TMEM132C: variants seen among roughly 807,000 people sequenced by gnomAD.
TMEM132C encodes the protein protein phosphatase 1, regulatory subunit 152.
TMEM132C carries 29 observed loss-of-function variants against 61.4 expected under a neutral mutation model. That is an observed-to-expected ratio of 0.47 (90% CI 0.35 to 0.64). The LOEUF (loss-of-function observed/expected upper bound fraction) is 0.64, where lower values mean the gene tolerates loss of function less well. TMEM132C is among the 30% of genes least tolerant of loss of function. The pLI, the probability that TMEM132C is intolerant of heterozygous loss-of-function variation, is 0.00. For synonymous variants in TMEM132C, 656 were observed against 633.1 expected (o/e 1.04, Z -0.54); for missense variants, 1,408 against 1,476.9 (o/e 0.95, Z 0.76).
intron 3 of TMEM132C, among the ~76,000 whole-genome samples, chr12:128,579,529 C>G (rs1875253048): frequency 1.3e-5 from 2 of 152,240 alleles, no homozygotes; most frequent in South Asian, 2.1e-4. Flanking sequence ...AATTTATATT[C>G]TCTTTGTTGG....
intron 3 of TMEM132C, among the ~76,000 whole-genome samples, chr12:128,607,497 C>T (rs1593118262): frequency 6.6e-6 from 1 of 152,114 alleles, no homozygotes; most frequent in African/African-American, 2.4e-5. Flanking sequence ...ATGGGCATAT[C>T]CCAGTTAGGA....
intron 2 of TMEM132C, among the ~76,000 whole-genome samples, chr12:128,493,419 G>A (rs1219399285): frequency 6.6e-6 from 1 of 152,148 alleles, no homozygotes; most frequent in African/African-American, 2.4e-5. Context: ...GGATGGCATT[G>A]AATCTATAAA....
intron 5 of TMEM132C, among the ~76,000 whole-genome samples, chr12:128,683,036 A>C (rs553385818): frequency 1.1e-4 from 16 of 152,260 alleles, no homozygotes; most frequent in African/African-American, 3.4e-4. Flanking sequence ...TGCCTTATTA[A>C]GGAGAAAGAA....
intron 1 of TMEM132C, among the ~76,000 whole-genome samples, chr12:128,403,232 G>A (rs1875230445): frequency 3.3e-5 from 5 of 152,088 alleles, no homozygotes; most frequent in African/African-American, 1.2e-4. Context: ...AATGGAGAGA[G>A]GAAAAAATAT....
chr12:128,426,057 G>C (rs1319176136), intron 2 of TMEM132C, among the ~76,000 whole-genome samples: 1 of 152,164 alleles, frequency 6.6e-6, no homozygotes, highest in Non-Finnish European at 1.5e-5. Flanking sequence ...TCTTTCCCTG[G>C]TTCTTTTCAA....
chr12:128,343,970 G>A (rs1271623470), intron 1 of TMEM132C, among the ~76,000 whole-genome samples: 1 of 152,162 alleles, frequency 6.6e-6, no homozygotes, highest in Non-Finnish European at 1.5e-5. Context: ...GTCATTGCAT[G>A]TATGAATAAT....
chr12:128,598,675 T>C (rs1565986589), intron 3 of TMEM132C, among the ~76,000 whole-genome samples: 1 of 151,936 alleles, frequency 6.6e-6, no homozygotes, highest in Non-Finnish European at 1.5e-5. Context: ...TTCTCTCACT[T>C]ATTGTTCAGC....
intron 2 of TMEM132C, among the ~76,000 whole-genome samples, chr12:128,529,591 C>G (rs1593087611): frequency 6.6e-6 from 1 of 152,232 alleles, no homozygotes; most frequent in East Asian, 1.9e-4. Flanking sequence ...TGAGACCAGC[C>G]TGATCAAAAT....
chr12:128,347,397 GTCTC>G (rs55729184), intron 1 of TMEM132C, among the ~76,000 whole-genome samples: 27,088 of 135,212 alleles, frequency 0.2, 2,808 homozygotes, highest in South Asian at 0.31. Flanking sequence ...GCATATGTAT[GTCTC>G]TCTCTCTCTC....
intron 4 of TMEM132C, among the ~76,000 whole-genome samples, chr12:128,634,738 CTATAGGG>C (rs1954088873): frequency 6.6e-6 from 1 of 152,212 alleles, no homozygotes; most frequent in South Asian, 2.1e-4. Context: ...CAGACGCCAT[CTATAGGG>C]TGTTCATTCC....
intron 1 of TMEM132C, among the ~76,000 whole-genome samples, chr12:128,366,950 C>A: frequency 6.6e-6 from 1 of 152,168 alleles, no homozygotes; most frequent in East Asian, 1.9e-4. Flanking sequence ...AAGTAAGTCA[C>A]ATGGGTGACA....
intron 3 of TMEM132C, among the ~76,000 whole-genome samples, chr12:128,588,142 G>A (rs1020689651): frequency 2.0e-5 from 3 of 152,172 alleles, no homozygotes; most frequent in Admixed American, 2.0e-4. Context: ...TGACTTTCAT[G>A]TCTCTTTCTG....
At chr12:128,530,312 C>T (rs1873242360) in intron 2 of TMEM132C, among the ~76,000 whole-genome samples, 2 of 152,108 alleles carry the variant, frequency 1.3e-5, no homozygotes, top group African/African-American at 4.8e-5. Flanking sequence ...CATCTTGCTC[C>T]CTAGAGGAAA....
intron 4 of TMEM132C, among the ~76,000 whole-genome samples, chr12:128,637,842 A>G (rs1954115453): frequency 6.6e-6 from 1 of 152,228 alleles, no homozygotes; most frequent in Non-Finnish European, 1.5e-5. Flanking sequence ...GCTGAGTTCA[A>G]CTGCGAATAT....
chr12:128,662,887 G>A (rs1954406571), intron 4 of TMEM132C, among the ~76,000 whole-genome samples: 1 of 152,092 alleles, frequency 6.6e-6, no homozygotes, highest in African/African-American at 2.4e-5. Context: ...CCCCAAAGTT[G>A]CTTTACTAGG....
intron 2 of TMEM132C, among the ~76,000 whole-genome samples, chr12:128,459,710 C>A (rs529509396): frequency 4.6e-5 from 7 of 151,824 alleles, no homozygotes; most frequent in Admixed American, 3.9e-4. Flanking sequence ...GATGGTGAAA[C>A]CCTGTCTCTA....
intron 2 of TMEM132C, among the ~76,000 whole-genome samples, chr12:128,512,053 C>T (rs746263767): frequency 1.4e-4 from 21 of 152,150 alleles, no homozygotes; most frequent in Admixed American, 3.3e-4. Context: ...CCGCCCCTGT[C>T]GGCCACAGGC....
intron 4 of TMEM132C, among the ~76,000 whole-genome samples, chr12:128,616,720 C>T (rs564315882): frequency 3.9e-5 from 6 of 152,202 alleles, no homozygotes; most frequent in Non-Finnish European, 8.8e-5. Context: ...TGCCCTTCAT[C>T]TCCTCTTTCC....
intron 1 of TMEM132C, among the ~76,000 whole-genome samples, chr12:128,396,303 A>G (rs536615704): frequency 6.6e-6 from 1 of 152,232 alleles, no homozygotes; most frequent in Admixed American, 6.5e-5. Context: ...TAGTAAAAAA[A>G]TAATAGGTAG....
Sources: allele counts gnomAD v4.1 joint callset (sites outside exome capture counted in the v4.1 genomes callset), GRCh38; gene constraint gnomAD v4.1.1; transcripts MANE v1.5; gene names NCBI Gene and HGNC (gene_info 2026-07-23, HGNC 2026-07-21).